Variants in TUT7 observed in about 807,000 individuals in gnomAD.
TUT7 encodes the protein terminal uridylyltransferase 7.
In TUT7, 33 loss-of-function variants were observed where a neutral mutation model predicts 165.9. The ratio of observed to expected loss-of-function variants is 0.20; its 90% confidence interval spans 0.15 to 0.27. The LOEUF (loss-of-function observed/expected upper bound fraction) is 0.27, where lower values mean the gene tolerates loss of function less well. TUT7 is among the 10% of genes least tolerant of loss of function. The pLI is 1.00. For synonymous variants in TUT7, 552 were observed against 608.1 expected (o/e 0.91, Z 1.36); for missense variants, 1,338 against 1,762.3 (o/e 0.76, Z 4.31).
Position 86,323,647 on chromosome 9 carries a change from A to G in TUT7, c.2103T>C (p.Ala701=), listed in dbSNP as rs769562329. The part of the protein sequence containing the change: ...KVQPLTLKET[A]ESFGSPPKEE... ...CTTTTGGTGGGCTTCCAAAACTTTC[A>G]GCAGTCTCTTTAAGAGTAAGTGGCT... The change falls in exon 13 of 27, where the codon GCT becomes GCC. Residue 701 remains alanine, a synonymous_variant. Transcript: ENST00000375963. 4.3e-6 allele frequency: 7 copies of G among 1,614,166 alleles called. No individual in the cohort carries two copies. In the Admixed American group the frequency reaches 6.7e-5, roughly 15 times the overall value.
intron 2 of TUT7, among the ~76,000 whole-genome samples, chr9:86,347,281 A>G (rs569572488): frequency 5.3e-4 from 80 of 152,378 alleles, no homozygotes; most frequent in Non-Finnish European, 8.8e-4. Flanking sequence ...TATAATGAAT[A>G]AAAATCATCC....
Position 86,294,178 on chromosome 9 carries a change from C to T in TUT7, c.4421-5434G>A, listed in dbSNP as rs374359274. ...GTTTTCAGGAATCACTCCACCTGTC[C>T]TTTCTAATTCCCCTTTCACAATTAT... On this transcript the variant is annotated intron_variant, in intron 26 of 26. Transcript: ENST00000375963. Among the ~76,000 whole-genome samples, 522 of 151,064 alleles carry T rather than the reference C, an allele frequency of 3.5e-3. 5 individuals carry two copies. The highest frequency in any genetic ancestry group is 0.017 in the Middle Eastern group (5 of 290).
rs370512595 is a variant in TUT7 at position 86,337,555 on chromosome 9, A to T, written c.1336-17T>A. ...ACTGCAAAGCTACAAACAAGAGAAAAGAAAGTTAAGCATTCTTTTTGTATG... is the reference window on the plus strand; with the variant it reads ...ACTGCAAAGCTACAAACAAGAGAAATGAAAGTTAAGCATTCTTTTTGTATG... On this transcript the variant is annotated splice_polypyrimidine_tract_variant and intron_variant, in intron 9 of 26. Coordinates refer to ENST00000375963, the MANE Select transcript of TUT7 (RefSeq NM_024617.4). 1.3e-6 allele frequency: 2 copies of T among 1,586,918 alleles called. No homozygotes were observed. The highest frequency in any genetic ancestry group is 2.7e-5 in the African/African-American group (2 of 73,134).
At chr9:86,337,156 T>C in intron 10 of TUT7, 1 of 324,506 alleles carries the variant, frequency 3.1e-6, no homozygotes, top group Non-Finnish European at 5.7e-6. Flanking sequence ...CTCTTGTTCG[T>C]CTCAGGACCA....
At chr9:86,322,608 C>T in intron 13 of TUT7, 133 bp from the exon 14 acceptor site, 1 of 1,149,666 alleles carries the variant, frequency 8.7e-7, no homozygotes, top group Non-Finnish European at 1.2e-6. Context: ...CATGCATCCA[C>T]TCAAATGATC....
At position 86,301,347 on chromosome 9, in the gene TUT7, T is replaced by C. The variant is rs768970038; in HGVS notation, c.4349A>G (p.Glu1450Gly). ...WKRQDDKDLREKRCFICGREG... is the reference protein window; with the variant it reads ...WKRQDDKDLRGKRCFICGREG... ...TCTTCCACAAATAAAACAACGTTTT[T>C]CTCTTAAGTCTTTGTCATCCTGTCT... The change falls in exon 26 of 27, where the codon GAA becomes GGA. Residue 1450 changes from glutamate (E) to glycine (G), a missense_variant. By Grantham distance (98) the Glu-to-Gly change is moderately conservative. Around this residue, in one of 7 missense-constraint regions of TUT7, gnomAD observed 167 missense variants for 204.9 expected, o/e 0.82. Transcript: ENST00000375963. 5 of 1,614,130 alleles carry C rather than the reference T, an allele frequency of 3.1e-6. No homozygotes were observed. The highest frequency in any genetic ancestry group is 4.2e-6 in the Non-Finnish European group (5 of 1,180,034).
At chr9:86,342,522 G>A (rs942514724) in intron 6 of TUT7, among the ~76,000 whole-genome samples, 11 of 151,996 alleles carry the variant, frequency 7.2e-5, no homozygotes, top group East Asian at 5.8e-4. Flanking sequence ...TGATCCTCCC[G>A]CCTCAACCTC....
At chr9:86,326,939 A>G (rs1208378084) in intron 11 of TUT7, among the ~76,000 whole-genome samples, 7 of 152,364 alleles carry the variant, frequency 4.6e-5, no homozygotes, top group Middle Eastern at 3.4e-3. Flanking sequence ...TTCACACTGA[A>G]AAAAGTAATT....
chr9:86,323,745 C>G lies in TUT7; in HGVS notation c.2005G>C (p.Asp669His), dbSNP rs1222872319. ...NHHPDVQTKD[D>H]KLKNSVLAQG... ...GCCAAAACTGAGTTTTTGAGCTTAT[C>G]ATCTTTTGTTTGTACATCTGGATGA... Residue 669 changes from aspartate to histidine, a missense_variant, in exon 13 of 27, where the codon GAT (aspartate) becomes CAT (histidine). Transcript: ENST00000375963. The G allele has an allele frequency of 6.2e-7, 1 of 1,613,510 alleles. No individual in the cohort carries two copies. Among genetic ancestry groups the G allele is most frequent in the Admixed American group, 1.7e-5 (1 of 59,926 alleles).
chr9:86,330,169 T>C (rs1830182432), intron 10 of TUT7, among the ~76,000 whole-genome samples: 1 of 152,184 alleles, frequency 6.6e-6, no homozygotes, highest in African/African-American at 2.4e-5. Context: ...GCGATTCTCC[T>C]GCCCCAGCCT....
At chr9:86,301,898 A>T (rs547077951) in intron 25 of TUT7, 2 of 968,932 alleles carry the variant, frequency 2.1e-6, no homozygotes, top group East Asian at 2.3e-4. Flanking sequence ...GATGTAATGA[A>T]AGGCAAATCA....
At chr9:86,294,721 T>G (rs140050589) in intron 26 of TUT7, among the ~76,000 whole-genome samples, 7 of 151,136 alleles carry the variant, frequency 4.6e-5, no homozygotes, top group Admixed American at 2.0e-4. Flanking sequence ...TAAAAAGTAA[T>G]TATTATTATT....
intron 12 of TUT7, chr9:86,324,306 G>A (rs974784073): frequency 1.8e-5 from 3 of 165,158 alleles, no homozygotes; most frequent in South Asian, 1.5e-4. Context: ...AGGCTCTGCT[G>A]CTGCTGAGTG....
In TUT7 at chr9:86,288,452, T is replaced by A. The variant is rs4440696; in HGVS notation, c.*225A>T. 257,326 of 353,238 alleles carry A rather than the reference T, an allele frequency of 0.73. 97,098 individuals are homozygous for A. The highest frequency in any genetic ancestry group is 0.99 in the East Asian group (22,462 of 22,672). The allele number at this position is 353,238 out of a possible 1,614,324, so 21.9% of individuals were successfully genotyped here. On this transcript the variant is annotated 3_prime_UTR_variant, in exon 27 of 27. Transcript: ENST00000375963. ...ACGTGGCTTAAATACATACATCATG[T>A]CTTTCTATTAAAATCCTTAAATCTA...
Position 86,305,245 on chromosome 9 carries a change from CA to C in TUT7, c.3839-7del. On this transcript the variant is annotated splice_region_variant and splice_polypyrimidine_tract_variant and intron_variant, in intron 22 of 26. Transcript: ENST00000375963. The stretch of plus-strand genomic sequence containing the variant: ...ATGATTCAAATCAAAGGGATCTAAG[CA>C]AAAAAATTTAAGAGCAAATAAGGTA... 2 of 1,582,788 alleles carry C rather than the reference CA, an allele frequency of 1.3e-6. No individual in the cohort carries two copies. The highest frequency in any genetic ancestry group is 8.6e-7 in the Non-Finnish European group (1 of 1,167,790).
At position 86,311,819 on chromosome 9, in the gene TUT7, G is replaced by A. The variant is rs544675278; in HGVS notation, c.3275-1010C>T. Among the ~76,000 whole-genome samples, 20 of 152,314 alleles carry A rather than the reference G, an allele frequency of 1.3e-4. No homozygotes were observed. The South Asian group carries it at 3.1e-3, about 24-fold the overall frequency. On this transcript the variant is annotated intron_variant, in intron 17 of 26. Transcript: ENST00000375963. The surrounding 1 kb of genome is among the most constrained non-coding windows in gnomAD (Gnocchi z 4.4). ...ATTTTTTTGGTGGAGACGGGGTTTC[G>A]CTGTGTTGGCCGGGCTGGTCTCCAG...
At chr9:86,336,559 C>A (rs907805709) in intron 10 of TUT7, among the ~76,000 whole-genome samples, 1 of 152,146 alleles carries the variant, frequency 6.6e-6, no homozygotes, top group Non-Finnish European at 1.5e-5. Flanking sequence ...AAAAAATTCT[C>A]TTTAAATGTA....
At chr9:86,350,870 C>G (rs180742831) in intron 2 of TUT7, among the ~76,000 whole-genome samples, 1 of 152,286 alleles carries the variant, frequency 6.6e-6, no homozygotes, top group East Asian at 1.9e-4. Context: ...CGGTAGTTCA[C>G]GCCTGTAATC....
At chr9:86,309,330 T>G (rs772494416) in intron 20 of TUT7, 41 bp from the exon 21 acceptor site, 1 of 1,432,662 alleles carries the variant, frequency 7.0e-7, no homozygotes, top group South Asian at 1.2e-5. Flanking sequence ...ATTACAAACT[T>G]AATGCATTGA....
Sources: gnomAD v4.1 joint callset for allele counts (sites outside exome capture counted in the v4.1 genomes callset) on GRCh38, gnomAD v4.1.1 for gene constraint, gnomAD v4.1.1 regional missense constraint, Gnocchi (gnomAD v3.1) non-coding constraint, MANE v1.5 for transcripts, NCBI Gene and HGNC (gene_info 2026-07-23, HGNC 2026-07-21) for gene names.